ZNF780B: variants seen among roughly 807,000 people sequenced by gnomAD.
ZNF780B encodes zinc finger protein 779.
In ZNF780B, 52 loss-of-function variants were observed where a neutral mutation model predicts 74.1. That is an observed-to-expected ratio of 0.70 (90% confidence interval 0.56 to 0.88). The LOEUF (loss-of-function observed/expected upper bound fraction) is 0.88. Among genes scored for constraint, ZNF780B ranks in the 40% least tolerant of loss-of-function variants. The probability of loss-of-function intolerance (pLI) is 0.00; values close to 1 mark genes in which losing one functional copy is unlikely to be tolerated. For missense variants in ZNF780B, 953 were observed against 1,007.6 expected, an observed-to-expected ratio of 0.95 and a Z score of 0.73; for synonymous variants, 315 against 324.3, an observed-to-expected ratio of 0.97 and a Z score of 0.31.
intron 2 of ZNF780B, among the ~76,000 whole-genome samples, chr19:40,049,672 G>A (rs976162595): frequency 7.2e-5 from 11 of 152,234 alleles, no homozygotes; most frequent in South Asian, 4.1e-4. Context: ...GGTCAAATGC[G>A]ACAATCATCT....
rs763977017 is a variant in ZNF780B, at chr19:40,035,470, A to T, written c.1389T>A (p.His463Gln). Residue 463 changes from histidine (H) to glutamine (Q), a missense_variant, in exon 5 of 5, where the codon CAT becomes CAA. His to Gln is a conservative substitution (Grantham distance 24). Transcript: ENST00000434248. ...AFRYHYQLIQ[H>Q]CQIHTGGKPF... ...GTTTCCCACCAGTATGAATTTGGCA[A>T]TGTTGAATAAGTTGGTAATGATATC... The T allele has an allele frequency of 5.6e-6, 9 of 1,614,110 alleles. No homozygotes were observed. In the South Asian group the frequency reaches 9.9e-5, roughly 18 times the overall value.
intron 4 of ZNF780B, among the ~76,000 whole-genome samples, chr19:40,037,355 C>T (rs920401110): frequency 6.6e-6 from 1 of 152,060 alleles, no homozygotes; most frequent in African/African-American, 2.4e-5. Flanking sequence ...CAAGTGGCTA[C>T]AGCTACAGGC....
At chr19:40,047,829 T>G (rs186609190) in intron 3 of ZNF780B, among the ~76,000 whole-genome samples, 16 of 152,312 alleles carry the variant, frequency 1.1e-4, no homozygotes, top group Admixed American at 9.8e-4. Flanking sequence ...AACAGAAATA[T>G]AATAATGCCT....
rs1972120132 is a variant in ZNF780B at position 40,034,290 on chromosome 19, C to G, written c.*67G>C. 4 of 1,327,986 alleles carry G rather than the reference C, an allele frequency of 3.0e-6. No homozygotes were observed. In the South Asian group the frequency reaches 5.6e-5, roughly 19 times the overall value. The allele number at this position is 1,327,986 out of a possible 1,614,324, so 82.3% of individuals were successfully genotyped here. On this transcript the variant is annotated 3_prime_UTR_variant, in exon 5 of 5. Transcript: ENST00000434248. ...ATAAGGGTTCTCACGAATATGAAATCTATAATGTCCATGAAATTGGTAATG... is the reference window on the plus strand; with the variant it reads ...ATAAGGGTTCTCACGAATATGAAATGTATAATGTCCATGAAATTGGTAATG...
Position 40,034,432 on chromosome 19 carries a change from C to G in ZNF780B, c.2427G>C (p.Leu809Phe). The change falls in exon 5 of 5, where the codon TTG becomes TTC. Residue 809 changes from leucine (L) to phenylalanine (F), a missense_variant. Leu to Phe is a conservative substitution (Grantham distance 22). Coordinates refer to ENST00000434248, the MANE Select transcript of ZNF780B (RefSeq NM_001005851.3). ...AAGGCTGTCCCACATTTCTTACATT[C>G]AAAGGGTTTCTCACCTGTACAAGTT... ...HQKLVQVRNP[L>F]NVRNVGQPSD... The G allele has an allele frequency of 6.2e-7, 1 of 1,613,958 alleles. No homozygotes were observed. The highest frequency in any genetic ancestry group is 1.6e-4 in the Middle Eastern group (1 of 6,062).
chr19:40,040,804 CTTCT>C (rs1427517912), intron 4 of ZNF780B, among the ~76,000 whole-genome samples: 54 of 152,096 alleles, frequency 3.6e-4, no homozygotes, highest in African/African-American at 1.1e-3. Context: ...TCTCTCTTTT[CTTCT>C]TTATTAGTCT....
chr19:40,035,376 G>A lies in ZNF780B; in HGVS notation c.1483C>T (p.His495Tyr), dbSNP rs2144705962. 7 of 1,614,152 alleles carry A rather than the reference G, an allele frequency of 4.3e-6. No individual in the cohort carries two copies. In the Admixed American group the frequency reaches 8.3e-5, roughly 19 times the overall value. The part of the protein sequence containing the change: ...LTQLARHKNI[H>Y]TGEKPFECKD... ...CATTCAAATGGTTTCTCACCAGTAT[G>A]AATGTTCTTATGTCGAGCAAGCTGT... The change falls in exon 5 of 5, where the codon CAT becomes TAT. Residue 495 changes from histidine to tyrosine, a missense_variant. By Grantham distance (83) the His-to-Tyr change is moderately conservative. Coordinates refer to ENST00000434248, the MANE Select transcript of ZNF780B (RefSeq NM_001005851.3).
chr19:40,035,862 A>G lies in ZNF780B; in HGVS notation c.997T>C (p.Phe333Leu). The G allele has an allele frequency of 6.2e-7, 1 of 1,613,794 alleles. No homozygotes were observed. The highest frequency in any genetic ancestry group is 1.3e-5 in the African/African-American group (1 of 74,916). Reference protein sequence around the residue: ...HCRIHTGEKPFECKECRKAFT... With the variant: ...HCRIHTGEKPLECKECRKAFT... ...GCCTTTCTGCATTCTTTACATTCAA[A>G]GGGTTTCTCGCCAGTATGAATTCGG... The change falls in exon 5 of 5, where the codon TTT (phenylalanine) becomes CTT (leucine). Residue 333 changes from phenylalanine to leucine, a missense_variant. Transcript: ENST00000434248.
chr19:40,047,708 G>A (rs943005583), intron 3 of ZNF780B, among the ~76,000 whole-genome samples: 2 of 151,712 alleles, frequency 1.3e-5, no homozygotes, highest in African/African-American at 4.8e-5. Flanking sequence ...GTTAACAGCA[G>A]GAAACTTCAA....
intron 4 of ZNF780B, among the ~76,000 whole-genome samples, chr19:40,039,028 G>C (rs1429609327): frequency 6.6e-6 from 1 of 152,100 alleles, no homozygotes; most frequent in Non-Finnish European, 1.5e-5. Flanking sequence ...TTTCTTCTAG[G>C]GTTTTTATGG....
At chr19:40,046,635 C>G (rs1972944041) in intron 4 of ZNF780B, among the ~76,000 whole-genome samples, 1 of 152,220 alleles carries the variant, frequency 6.6e-6, no homozygotes, top group Admixed American at 6.5e-5. Flanking sequence ...TGCTGCCATT[C>G]TCACCCCATC....
At chr19:40,036,761 A>G (rs1316226720) in intron 4 of ZNF780B, 135 bp from the exon 5 acceptor site, 2 of 590,680 alleles carry the variant, frequency 3.4e-6, no homozygotes, top group Non-Finnish European at 5.7e-6. Context: ...AAGGGTGCCA[A>G]TAATGAATTT....
intron 4 of ZNF780B, among the ~76,000 whole-genome samples, chr19:40,040,182 C>G (rs922636045): frequency 2.4e-4 from 37 of 152,120 alleles, no homozygotes; most frequent in African/African-American, 8.9e-4. Flanking sequence ...TGGTTTTTGT[C>G]TTTGGTTCTG....
At chr19:40,049,032 T>A (rs1973078830) in intron 2 of ZNF780B, 4 of 498,862 alleles carry the variant, frequency 8.0e-6, no homozygotes. Flanking sequence ...GCAAACAGCC[T>A]GGGCAACATA....
chr19:40,051,672 A>G (rs1445249586), intron 1 of ZNF780B, among the ~76,000 whole-genome samples: 2 of 152,222 alleles, frequency 1.3e-5, no homozygotes, highest in East Asian at 3.8e-4. Flanking sequence ...GATTAATGTG[A>G]CTATAACAAA....
At chr19:40,055,498 C>A (rs1335589346) in intron 1 of ZNF780B, 1 of 152,118 alleles carries the variant, frequency 6.6e-6, no homozygotes, top group Non-Finnish European at 1.5e-5. Context: ...GAGAAGGATA[C>A]GGCAAGCGTG....
chr19:40,034,033 C>T lies in ZNF780B; in HGVS notation c.*324G>A, dbSNP rs1023222552. 5.7e-5 allele frequency: 20 copies of T among 352,172 alleles called. No homozygotes were observed. The highest frequency in any genetic ancestry group is 8.4e-5 in the African/African-American group (4 of 47,356). The allele number at this position is 352,172 out of a possible 1,614,324, so 21.8% of individuals were successfully genotyped here. ...ACACTCACAGGGTTTCTCAGCAGTA[C>T]GGATTCTCAGATGTACAGTAAGATC... On this transcript the variant is annotated 3_prime_UTR_variant, in exon 5 of 5. Coordinates refer to ENST00000434248, the MANE Select transcript of ZNF780B (RefSeq NM_001005851.3).
At chr19:40,052,274 G>T (rs537593060) in intron 1 of ZNF780B, among the ~76,000 whole-genome samples, 1 of 152,174 alleles carries the variant, frequency 6.6e-6, no homozygotes, top group African/African-American at 2.4e-5. Context: ...CAGTATCCCT[G>T]ACCTCTATCC....
chr19:40,051,144 T>C (rs977508810), intron 1 of ZNF780B, among the ~76,000 whole-genome samples: 1 of 152,188 alleles, frequency 6.6e-6, no homozygotes, highest in African/African-American at 2.4e-5. Context: ...AATTTTCTTC[T>C]TTTTGCTAAA....
Sources: gnomAD v4.1 joint callset for allele counts (sites outside exome capture counted in the v4.1 genomes callset) on GRCh38, gnomAD v4.1.1 for gene constraint, MANE v1.5 for transcripts, NCBI Gene and HGNC (gene_info 2026-07-23, HGNC 2026-07-21) for gene names.